The following PRKCE variants were observed in gnomAD, a reference collection of about 807,000 sequenced individuals.
The protein encoded by PRKCE is protein kinase C epsilon type.
A neutral mutation model predicts 85.4 loss-of-function variants in PRKCE; 16 were observed. The ratio of observed to expected loss-of-function variants is 0.19; its 90% CI spans 0.13 to 0.28. The LOEUF (loss-of-function observed/expected upper bound fraction) is 0.28. Among genes scored for constraint, PRKCE ranks in the 10% least tolerant of loss-of-function variants. The pLI, the probability that PRKCE is intolerant of heterozygous loss-of-function variation, is 1.00. For missense variants in PRKCE, 573 were observed against 975.2 expected (o/e 0.59, Z 5.49); for synonymous variants, 388 against 371.5 (o/e 1.04, Z -0.51).
chr2:45,872,388 G>C (rs1558777891), intron 2 of PRKCE, among the ~76,000 whole-genome samples: 1 of 152,196 alleles, frequency 6.6e-6, no homozygotes, highest in Non-Finnish European at 1.5e-5. Flanking sequence ...GCTCATGCAG[G>C]GCTTTGCAGA....
intron 2 of PRKCE, among the ~76,000 whole-genome samples, chr2:45,894,653 GCA>G (rs912402731): frequency 6.6e-4 from 101 of 151,994 alleles, no homozygotes; most frequent in African/African-American, 2.2e-3. Context: ...ATGATGCCTG[GCA>G]CACACACACA....
intron 1 of PRKCE, among the ~76,000 whole-genome samples, chr2:45,693,523 AAGGGCAGGG>A (rs1677902510): frequency 1.3e-5 from 2 of 152,172 alleles, no homozygotes; most frequent in Non-Finnish European, 2.9e-5. Flanking sequence ...TGCAGGCCGG[AAGGGCAGGG>A]AGGAAGGTCG....
At chr2:45,682,089 C>T (rs927188533) in intron 1 of PRKCE, among the ~76,000 whole-genome samples, 1 of 152,028 alleles carries the variant, frequency 6.6e-6, no homozygotes, top group East Asian at 1.9e-4. Flanking sequence ...GTTGTTTATC[C>T]AAACAATCAT....
Position 45,752,708 on chromosome 2 carries a change from C to T in PRKCE, c.349-90292C>T, listed in dbSNP as rs545839820. ...TCCTCTCATCTCCTGCGTCTGCAGG[C>T]GTATTATCTTTTGTACCATGCAGGC... On this transcript the variant is annotated intron_variant, in intron 1 of 14. Coordinates refer to ENST00000306156, the MANE Select transcript of PRKCE (RefSeq NM_005400.3). Among the ~76,000 whole-genome samples the T allele has an allele frequency of 3.3e-5, 5 of 152,234 alleles. No individual in the cohort carries two copies. The South Asian group carries it at 6.2e-4, about 19-fold the overall frequency.
chr2:46,053,272 C>A (rs1708966201), intron 10 of PRKCE, among the ~76,000 whole-genome samples: 1 of 152,036 alleles, frequency 6.6e-6, no homozygotes, highest in Non-Finnish European at 1.5e-5. Context: ...AGGAAAGTGA[C>A]CTTATTATGT....
At chr2:45,771,880 C>A (rs770895940) in intron 1 of PRKCE, among the ~76,000 whole-genome samples, 5 of 152,136 alleles carry the variant, frequency 3.3e-5, no homozygotes, top group Non-Finnish European at 7.4e-5. Flanking sequence ...GATGGTGGAG[C>A]TGGATCTGCA....
At chr2:46,082,026 C>A (rs896505819) in intron 10 of PRKCE, among the ~76,000 whole-genome samples, 6 of 151,926 alleles carry the variant, frequency 3.9e-5, no homozygotes, top group Non-Finnish European at 8.8e-5. Context: ...ACCTGGGAGG[C>A]GAGGTTGCAG....
chr2:46,159,855 C>T lies in PRKCE; in HGVS notation c.2067+103C>T. On this transcript the variant is annotated intron_variant, in intron 14 of 14. Transcript: ENST00000306156. This position sits in a 1 kb window ranked among gnomAD's most constrained non-coding sequence, Gnocchi z 4.1. ...AGAGTTGGTCAGGGGATGCGTATTACAGTAAAAATGACAAAGACCAGAGGT... is the reference window on the plus strand; with the variant it reads ...AGAGTTGGTCAGGGGATGCGTATTATAGTAAAAATGACAAAGACCAGAGGT... The T allele has an allele frequency of 6.9e-7, 1 of 1,451,868 alleles. No individual in the cohort carries two copies. Among genetic ancestry groups the T allele is most frequent in the Non-Finnish European group, 9.3e-7 (1 of 1,074,222 alleles). 89.9% of individuals were successfully genotyped at this position (1,451,868 alleles called of 1,614,324 possible). A position where few individuals can be genotyped will look rare whatever the true frequency, so the allele number is the denominator to read the frequency against.
At chr2:45,980,471 CT>C (rs1238155123) in intron 5 of PRKCE, 90 bp downstream of exon 5, 1 of 1,185,652 alleles carries the variant, frequency 8.4e-7, no homozygotes. Context: ...AAAACCTTCT[CT>C]GCCTGAGACC....
intron 1 of PRKCE, among the ~76,000 whole-genome samples, chr2:45,759,468 C>G (rs368821277): frequency 1.4e-4 from 21 of 152,322 alleles, no homozygotes; most frequent in East Asian, 9.6e-4. Flanking sequence ...TGAGGCTTCC[C>G]GTGCATCTCA....
At chr2:45,986,648 A>G (rs1474062030) in intron 6 of PRKCE, among the ~76,000 whole-genome samples, 1 of 152,040 alleles carries the variant, frequency 6.6e-6, no homozygotes, top group Non-Finnish European at 1.5e-5. Context: ...AGTAGGAGGG[A>G]GAAGTGGGGG....
chr2:45,864,612 C>A (rs1430935540), intron 2 of PRKCE, among the ~76,000 whole-genome samples: 1 of 152,170 alleles, frequency 6.6e-6, no homozygotes, highest in African/African-American at 2.4e-5. Context: ...TTGTGCTCTT[C>A]TGAAGAGTAT....
chr2:45,981,832 T>A (rs1343167602), intron 5 of PRKCE, among the ~76,000 whole-genome samples: 1 of 152,104 alleles, frequency 6.6e-6, no homozygotes, highest in Non-Finnish European at 1.5e-5. Context: ...CTCAAGGATC[T>A]CAGTCTCATC....
At chr2:45,969,824 AT>A (rs1422971009) in intron 2 of PRKCE, among the ~76,000 whole-genome samples, 1 of 152,206 alleles carries the variant, frequency 6.6e-6, no homozygotes, top group Non-Finnish European at 1.5e-5. Flanking sequence ...TTTGCTTGAC[AT>A]TGGGGTGTAT....
At chr2:46,017,488 T>G (rs191955866) in intron 10 of PRKCE, among the ~76,000 whole-genome samples, 161 of 152,388 alleles carry the variant, frequency 1.1e-3, no homozygotes, top group South Asian at 2.3e-3. Flanking sequence ...TTTTGGCTAC[T>G]ATGAATAATG....
At chr2:45,877,366 G>A (rs981996337) in intron 2 of PRKCE, among the ~76,000 whole-genome samples, 32 of 151,796 alleles carry the variant, frequency 2.1e-4, no homozygotes, top group Middle Eastern at 3.4e-3. Context: ...TCAAAAGTTC[G>A]TTATCTCTTC....
chr2:45,713,680 G>A (rs1252698642), intron 1 of PRKCE, among the ~76,000 whole-genome samples: 2 of 152,200 alleles, frequency 1.3e-5, no homozygotes, highest in Non-Finnish European at 2.9e-5. Flanking sequence ...GGGCCAAGAA[G>A]GGGGAAGGCA....
At chr2:46,174,997 T>C (rs1345662119) in intron 14 of PRKCE, among the ~76,000 whole-genome samples, 1 of 152,118 alleles carries the variant, frequency 6.6e-6, no homozygotes, top group African/African-American at 2.4e-5. Flanking sequence ...AGCCGAGATC[T>C]GGTGTTACAG....
At chr2:45,760,722 G>A (rs1406332059) in intron 1 of PRKCE, among the ~76,000 whole-genome samples, 2 of 152,116 alleles carry the variant, frequency 1.3e-5, no homozygotes, top group Admixed American at 6.5e-5. Flanking sequence ...ACATTCAGAG[G>A]GGAAAGCTCG....
Sources: gnomAD v4.1 joint callset for allele counts (sites outside exome capture counted in the v4.1 genomes callset) on GRCh38, gnomAD v4.1.1 for gene constraint, Gnocchi (gnomAD v3.1) non-coding constraint, MANE v1.5 for transcripts, NCBI Gene and HGNC (gene_info 2026-07-23, HGNC 2026-07-21) for gene names.